The following DNAH12 variants were observed in gnomAD, a reference collection of about 807,000 sequenced individuals.
DNAH12 encodes axonemal beta dynein heavy chain 12.
DNAH12 carries 285 observed loss-of-function variants against 371.5 expected under a neutral mutation model. The ratio of observed to expected loss-of-function variants is 0.77; its 90% CI spans 0.70 to 0.85. DNAH12 has a LOEUF of 0.85. DNAH12 is among the 40% of genes least tolerant of loss of function. DNAH12 has a pLI of 0.00. For missense variants in DNAH12, 3,611 were observed against 3,689.4 expected, an observed-to-expected ratio of 0.98 and a Z score of 0.55; for synonymous variants, 1,200 against 1,213.0, an observed-to-expected ratio of 0.99 and a Z score of 0.22.
At chr3:57,489,425 G>A in intron 12 of DNAH12, 84 bp downstream of exon 12, 2 of 1,333,380 alleles carry the variant, frequency 1.5e-6, no homozygotes, top group Non-Finnish European at 2.0e-6. Flanking sequence ...CATATTTTAA[G>A]CTTTTGTTTT....
chr3:57,543,466 G>A (rs2069390519), intron 1 of DNAH12, among the ~76,000 whole-genome samples: 1 of 150,952 alleles, frequency 6.6e-6, no homozygotes, highest in African/African-American at 2.4e-5. Context: ...AGGACTACAG[G>A]TGCGCAACCA....
At position 57,459,679 on chromosome 3, in the gene DNAH12, C is replaced by T. The variant is rs994637964; in HGVS notation, c.2844G>A (p.Met948Ile). The change falls in exon 20 of 74, where the codon ATG becomes ATA. Residue 948 changes from methionine (M) to isoleucine (I), a missense_variant. Met to Ile is a conservative substitution (Grantham distance 10, BLOSUM62 1). Around this residue, in one of 3 missense-constraint regions of DNAH12, gnomAD observed 1,314 missense variants for 1,398.7 expected, o/e 0.94. Transcript: ENST00000495027. The stretch of plus-strand genomic sequence containing the variant: ...GACGCCCTTCTTCTGGCATCTGTTG[C>T]ATGATATCCTCAGAACAAAAGATGG... ...LEPIFCSEDI[M>I]QQMPEEGRQF... 1 of 1,549,504 alleles carries T rather than the reference C, an allele frequency of 6.5e-7. No individual in the cohort carries two copies. The highest frequency in any genetic ancestry group is 8.7e-7 in the Non-Finnish European group (1 of 1,145,644).
In DNAH12 at chr3:57,296,468, T is replaced by G. The variant is rs750344014; in HGVS notation, c.11533-33A>C. 3 of 1,469,508 alleles carry G rather than the reference T, an allele frequency of 2.0e-6. No homozygotes were observed. The South Asian group carries it at 3.8e-5, about 18-fold the overall frequency. The allele number at this position is 1,469,508 out of a possible 1,614,324, so 91.0% of individuals were successfully genotyped here. ...GATAGGCACACACTAGCAGTGATCC[T>G]CTCCAGACAACTTCATCTCATAAAG... On this transcript the variant is annotated intron_variant, in intron 71 of 73. Coordinates refer to ENST00000495027, the MANE Select transcript of DNAH12 (RefSeq NM_001366028.2).
chr3:57,482,274 C>T (rs1336871585), intron 13 of DNAH12, among the ~76,000 whole-genome samples: 3 of 152,200 alleles, frequency 2.0e-5, no homozygotes, highest in Non-Finnish European at 2.9e-5. Flanking sequence ...CATGAACAGA[C>T]ACTTCTCAAA....
chr3:57,496,048 C>T (rs1014594577), intron 11 of DNAH12, among the ~76,000 whole-genome samples: 2 of 149,860 alleles, frequency 1.3e-5, no homozygotes, highest in African/African-American at 4.9e-5. Flanking sequence ...AAAGAATGTT[C>T]ATCAAGAAAA....
chr3:57,374,464 T>C (rs1009868217), intron 55 of DNAH12, among the ~76,000 whole-genome samples: 11 of 152,138 alleles, frequency 7.2e-5, no homozygotes, highest in African/African-American at 2.7e-4. Context: ...TTCAAAGTGA[T>C]ATAAATAAAA....
Position 57,514,164 on chromosome 3 carries a change from C to T in DNAH12, c.280-3185G>A, listed in dbSNP as rs145544646. 1.4e-3 allele frequency among the ~76,000 whole-genome samples: 216 copies of T among 152,072 alleles called. 1 individual carries two copies. The highest frequency in any genetic ancestry group is 4.9e-3 in the African/African-American group (204 of 41,512). ...ATCCCAGCACTTTGGGAGGCTGAGG[C>T]GGGCGGATCACCTGAGATCAGGAGT... is the stretch of plus-strand genomic sequence containing the variant. On this transcript the variant is annotated intron_variant, in intron 4 of 73. Coordinates refer to ENST00000495027, the MANE Select transcript of DNAH12 (RefSeq NM_001366028.2).
intron 60 of DNAH12, among the ~76,000 whole-genome samples, chr3:57,346,422 A>C (rs2062544289): frequency 6.6e-6 from 1 of 151,990 alleles, no homozygotes; most frequent in Admixed American, 6.6e-5. Flanking sequence ...GGGCAATAAC[A>C]AAAAAAAGTT....
At chr3:57,503,537 C>T (rs572248991) in intron 9 of DNAH12, among the ~76,000 whole-genome samples, 10 of 151,834 alleles carry the variant, frequency 6.6e-5, no homozygotes, top group Admixed American at 5.3e-4. Flanking sequence ...TACAGGCACG[C>T]GCCACCATGC....
chr3:57,296,175 T>C (rs2061229605), intron 72 of DNAH12, among the ~76,000 whole-genome samples, 169 bp downstream of exon 72: 1 of 152,348 alleles, frequency 6.6e-6, no homozygotes, highest in East Asian at 1.9e-4. Context: ...ATTCAAGACC[T>C]AAAAATAACA....
In DNAH12 at chr3:57,301,836, CAAGT is replaced by C; in HGVS notation, c.11289_11292del (p.Val3765GlufsTer26). The C allele has an allele frequency of 6.4e-7, 1 of 1,551,602 alleles. No homozygotes were observed. The highest frequency in any genetic ancestry group is 1.4e-5 in the African/African-American group (1 of 73,116). On this transcript the variant is annotated frameshift_variant, in exon 70 of 74. Transcript: ENST00000495027. LOFTEE classifies it high-confidence loss of function. ...GCCCATATTTCTGGAACCTTTCCAA[CAAGT>C]AAGCTACCGGAGAGTGCCTCCAATG...
At chr3:57,302,564 T>G (rs1487224919) in intron 69 of DNAH12, among the ~76,000 whole-genome samples, 53 of 84,186 alleles carry the variant, frequency 6.3e-4, no homozygotes, top group African/African-American at 2.6e-3. Context: ...TATATATATA[T>G]GTATTTTTTT....
intron 58 of DNAH12, among the ~76,000 whole-genome samples, 161 bp downstream of exon 58, chr3:57,363,433 T>C (rs1166200761): frequency 6.6e-6 from 1 of 152,210 alleles, no homozygotes; most frequent in African/African-American, 2.4e-5. Context: ...GATATTCTCT[T>C]ATGAGTTTAA....
chr3:57,533,481 C>T (rs2068919759), intron 2 of DNAH12, among the ~76,000 whole-genome samples: 1 of 152,110 alleles, frequency 6.6e-6, no homozygotes, highest in Non-Finnish European at 1.5e-5. Flanking sequence ...CAGCATGCCT[C>T]AGAGTCTCAC....
At chr3:57,313,264 G>A (rs2061616792) in intron 66 of DNAH12, among the ~76,000 whole-genome samples, 1 of 152,150 alleles carries the variant, frequency 6.6e-6, no homozygotes, top group Admixed American at 6.5e-5. Context: ...GGTGGCTCAT[G>A]CCTGTAACCC....
In DNAH12 at chr3:57,415,106, C is replaced by G. The variant is rs137958537; in HGVS notation, c.5853+320G>C. 3.0e-4 allele frequency among the ~76,000 whole-genome samples: 45 copies of G among 151,846 alleles called. No homozygotes were observed. The East Asian group carries it at 8.0e-3, about 27-fold the overall frequency. On this transcript the variant is annotated intron_variant, in intron 38 of 73. Transcript: ENST00000495027. ...TCTCATTTCTCCCTGGGTCTCCCCA[C>G]CCCTGCCCCACCCTATGTGTGTGTT...
intron 41 of DNAH12, 61 bp from the exon 42 acceptor site, chr3:57,405,208 A>G: frequency 7.0e-7 from 1 of 1,427,880 alleles, no homozygotes; most frequent in Non-Finnish European, 9.2e-7. Flanking sequence ...ATTTAAGAAA[A>G]CAAAATTTTT....
Position 57,489,630 on chromosome 3 carries a change from G to T in DNAH12, c.1393C>A (p.His465Asn), listed in dbSNP as rs1045733935. The T allele has an allele frequency of 2.6e-6, 4 of 1,533,376 alleles. No individual in the cohort carries two copies. In the African/African-American group the frequency reaches 5.6e-5, roughly 21 times the overall value. 95.0% of individuals were successfully genotyped at this position (1,533,376 alleles called of 1,614,324 possible). The change falls in exon 12 of 74, where the codon CAT becomes AAT. Residue 465 changes from histidine (H) to asparagine (N), a missense_variant. His to Asn is a moderately conservative substitution (Grantham distance 68). Around this residue, in one of 3 missense-constraint regions of DNAH12, gnomAD observed 1,314 missense variants for 1,398.7 expected, o/e 0.94. Transcript: ENST00000495027. ...SEIMLLPQWI[H>N]YTMVRLDCED... ...CAATCCAAACGCACCATAGTGTAAT[G>T]AATCCACTGAGGCAAAAGCATTATT...
At chr3:57,296,230 C>T in intron 72 of DNAH12, 114 bp downstream of exon 72, 1 of 638,124 alleles carries the variant, frequency 1.6e-6, no homozygotes, top group Non-Finnish European at 2.5e-6. Context: ...TGTGAGAGTT[C>T]TGATGTTATT....
Sources: allele counts gnomAD v4.1 joint callset (sites outside exome capture counted in the v4.1 genomes callset), GRCh38; gene constraint gnomAD v4.1.1; regional missense constraint gnomAD v4.1.1; transcripts MANE v1.5; gene names NCBI Gene and HGNC (gene_info 2026-07-23, HGNC 2026-07-21).